Variants in TRIP11 observed in about 807,000 individuals in gnomAD.
TRIP11 encodes the protein thyroid hormone receptor interactor 11.
In TRIP11, 148 loss-of-function variants were observed where a neutral mutation model predicts 223.1. The ratio of observed to expected loss-of-function variants is 0.66; its 90% confidence interval spans 0.58 to 0.76. The LOEUF (loss-of-function observed/expected upper bound fraction) is 0.76, where lower values mean the gene tolerates loss of function less well. Ranked by LOEUF, TRIP11 falls within the 30% of genes least tolerant of loss-of-function variation. The pLI is 0.00. For synonymous variants in TRIP11, 762 were observed against 772.6 expected, an observed-to-expected ratio of 0.99 and a Z score of 0.23; for missense variants, 2,043 against 2,222.0, an observed-to-expected ratio of 0.92 and a Z score of 1.62.
chr14:92,010,165 C>T (rs921199818), intron 9 of TRIP11, among the ~76,000 whole-genome samples: 2 of 152,170 alleles, frequency 1.3e-5, no homozygotes, highest in African/African-American at 2.4e-5. Context: ...GAATCTTATT[C>T]CTTCCTTGCT....
In TRIP11 at chr14:92,011,741, C is replaced by CA; in HGVS notation, c.1227+13dup. Reference sequence around the variant, plus strand: ...CTGTCTCTATGCACATAACATTTGTCAAAATTAATTTACCTGGTTTAAACT... The same window carrying CA: ...CTGTCTCTATGCACATAACATTTGTCAAAAATTAATTTACCTGGTTTAAACT... On this transcript the variant is annotated intron_variant, in intron 8 of 20. Transcript: ENST00000267622. 6.2e-7 allele frequency: 1 copy of CA among 1,609,386 alleles called. No individual in the cohort carries two copies. The highest frequency in any genetic ancestry group is 8.5e-7 in the Non-Finnish European group (1 of 1,177,854).
chr14:92,038,289 G>A (rs2057345292), intron 1 of TRIP11, among the ~76,000 whole-genome samples: 1 of 152,088 alleles, frequency 6.6e-6, no homozygotes, highest in Non-Finnish European at 1.5e-5. Flanking sequence ...AGGGTCTAAG[G>A]AACAGCCAAC....
At chr14:91,981,434 G>C (rs1011348060) in intron 16 of TRIP11, among the ~76,000 whole-genome samples, 2 of 152,072 alleles carry the variant, frequency 1.3e-5, no homozygotes, top group African/African-American at 4.8e-5. Context: ...CTGTCACCCA[G>C]GCTGTAGTGC....
At chr14:91,999,187 T>G in intron 13 of TRIP11, 53 bp downstream of exon 13, 12 of 1,569,336 alleles carry the variant, frequency 7.6e-6, no homozygotes, top group African/African-American at 1.4e-5. Flanking sequence ...TTACTGAGTC[T>G]GATATTTAAG....
At chr14:92,008,448 C>T (rs1337975831) in intron 9 of TRIP11, among the ~76,000 whole-genome samples, 1 of 152,076 alleles carries the variant, frequency 6.6e-6, no homozygotes, top group Non-Finnish European at 1.5e-5. Flanking sequence ...AGAAAGAATC[C>T]TCCTTCCTTC....
At position 91,966,449 on chromosome 14, in the gene TRIP11, C is replaced by A; in HGVS notation, c.*3224G>T. The A allele has an allele frequency of 5.2e-6, 1 of 191,870 alleles. No homozygotes were observed. The allele number at this position is 191,870 out of a possible 1,614,324, so 11.9% of individuals were successfully genotyped here. ...TATCTTTAAATATCAGGTCCAAATG[C>A]TTTTAAGTTTGATGGATAATAGTGT... On this transcript the variant is annotated 3_prime_UTR_variant, in exon 21 of 21. Transcript: ENST00000267622.
intron 7 of TRIP11, among the ~76,000 whole-genome samples, chr14:92,012,193 T>G (rs1289623047): frequency 6.6e-6 from 1 of 152,170 alleles, no homozygotes; most frequent in Non-Finnish European, 1.5e-5. Context: ...TTATGTATAT[T>G]TAAACCACCA....
intron 1 of TRIP11, among the ~76,000 whole-genome samples, chr14:92,033,574 C>G (rs2057292241): frequency 6.6e-6 from 1 of 152,066 alleles, no homozygotes; most frequent in Admixed American, 6.5e-5. Flanking sequence ...GCTAATGCTG[C>G]TATAATTTTA....
At chr14:91,979,046 C>A (rs2056503060) in intron 16 of TRIP11, among the ~76,000 whole-genome samples, 1 of 151,998 alleles carries the variant, frequency 6.6e-6, no homozygotes, top group Non-Finnish European at 1.5e-5. Flanking sequence ...TGCTTGAGCT[C>A]AGGAGTTTGA....
At chr14:92,014,124 A>G (rs2057006994) in intron 7 of TRIP11, 91 bp downstream of exon 7, 4 of 1,542,812 alleles carry the variant, frequency 2.6e-6, no homozygotes, top group Non-Finnish European at 3.5e-6. Context: ...TGCCATTTCC[A>G]CTAAGTATTC....
rs1428084201 is a variant in TRIP11, at chr14:92,021,665, T to C, written c.479A>G (p.Asp160Gly). ...ISHHPSAFHD[D>G]DMDFGDIISS... The stretch of plus-strand genomic sequence containing the variant: ...AATTATATCACCAAAGTCCATGTCA[T>C]CGTCATGGAAAGCTGAAGGATGATG... Residue 160 changes from aspartate (D) to glycine (G), a missense_variant, in exon 4 of 21, where the codon GAT becomes GGT. Transcript: ENST00000267622. 1.2e-6 allele frequency: 2 copies of C among 1,613,822 alleles called. No homozygotes were observed. The highest frequency in any genetic ancestry group is 1.7e-6 in the Non-Finnish European group (2 of 1,179,928).
intron 19 of TRIP11, among the ~76,000 whole-genome samples, chr14:91,973,564 G>T: frequency 6.6e-6 from 1 of 152,098 alleles, no homozygotes; most frequent in East Asian, 1.9e-4. Flanking sequence ...TTCTAGTCAG[G>T]TCTAACCAAT....
At chr14:91,986,524 C>T (rs1004846294) in intron 16 of TRIP11, among the ~76,000 whole-genome samples, 1 of 152,194 alleles carries the variant, frequency 6.6e-6, no homozygotes. Flanking sequence ...ATTTCAAGAA[C>T]TCTGATAATA....
At chr14:92,002,727 C>A (rs2056842595) in intron 11 of TRIP11, among the ~76,000 whole-genome samples, 1 of 151,996 alleles carries the variant, frequency 6.6e-6, no homozygotes, top group South Asian at 2.1e-4. Context: ...CAGGCACCCA[C>A]CACCATGCCT....
At chr14:92,019,762 G>A (rs181627039) in intron 4 of TRIP11, among the ~76,000 whole-genome samples, 31 of 152,226 alleles carry the variant, frequency 2.0e-4, no homozygotes, top group Middle Eastern at 6.8e-3. Context: ...ACATTTGAGT[G>A]CCAACATGAT....
rs372161255 is a variant in TRIP11, at chr14:91,993,921, A to C, written c.5057-9T>G. On this transcript the variant is annotated splice_polypyrimidine_tract_variant and intron_variant, in intron 14 of 20. Transcript: ENST00000267622. The stretch of plus-strand genomic sequence containing the variant: ...ATACATAGCTTTTTCCTCTAAAGAG[A>C]AAAGAAAGTTAACATTAGTATTTTG... 6.7e-4 allele frequency: 1,068 copies of C among 1,603,072 alleles called. 17 individuals carry two copies. Among genetic ancestry groups the C allele is most frequent in the Middle Eastern group, 1.8e-4 (1 of 5,498 alleles).
intron 15 of TRIP11, among the ~76,000 whole-genome samples, chr14:91,988,730 T>C (rs2056637090): frequency 6.6e-6 from 1 of 152,196 alleles, no homozygotes; most frequent in African/African-American, 2.4e-5. Flanking sequence ...TTTTTCATTT[T>C]TGAAAGTCTA....
At chr14:92,039,397 A>G (rs2057358507) in intron 1 of TRIP11, 150 bp downstream of exon 1, 2 of 779,276 alleles carry the variant, frequency 2.6e-6, no homozygotes, top group Non-Finnish European at 4.1e-6. Context: ...AAATCTGTTG[A>G]GAAGAGGCAA....
In TRIP11 at chr14:92,003,496, G is replaced by A. The variant is rs1024388083; in HGVS notation, c.4480C>T (p.Arg1494Ter). ...GAGTGGCACTCAAACTCTTTTTCTC[G>A]CAGCATCATAGAAAACTTCATGTTA... is the stretch of plus-strand genomic sequence containing the variant. ...ETNMKFSMMLREKEFECHSMK... is the reference protein window; with the variant it reads ...ETNMKFSMML The change falls in exon 11 of 21, where the codon CGA becomes TGA. Residue 1494 changes from arginine to a stop codon, truncating the protein, a stop_gained. Transcript: ENST00000267622. LOFTEE classifies it high-confidence loss of function. 8 of 1,613,852 alleles carry A rather than the reference G, an allele frequency of 5.0e-6. No individual in the cohort carries two copies. Among genetic ancestry groups the A allele is most frequent in the African/African-American group, 1.3e-5 (1 of 74,890 alleles).
Sources: gnomAD v4.1 joint callset for allele counts (sites outside exome capture counted in the v4.1 genomes callset) on GRCh38, gnomAD v4.1.1 for gene constraint, MANE v1.5 for transcripts, NCBI Gene and HGNC (gene_info 2026-07-23, HGNC 2026-07-21) for gene names.